Variants in STXBP5 observed in about 807,000 individuals in gnomAD.
STXBP5 encodes syntaxin binding protein 5.
A neutral mutation model predicts 152.4 loss-of-function variants in STXBP5; 50 were observed. The observed-to-expected ratio is 0.33, with a 90% confidence interval of 0.26 to 0.42. The LOEUF (loss-of-function observed/expected upper bound fraction) is 0.42, where lower values mean the gene tolerates loss of function less well. STXBP5 is among the 10% of genes least tolerant of loss of function. The probability of loss-of-function intolerance (pLI) is 1.00; values close to 1 mark genes in which losing one functional copy is unlikely to be tolerated. For missense variants in STXBP5, 1,167 were observed against 1,388.6 expected (o/e 0.84, Z 2.54); for synonymous variants, 492 against 494.7 (o/e 0.99, Z 0.07).
chr6:147,306,436 G>A (rs866312394), intron 9 of STXBP5, among the ~76,000 whole-genome samples: 1 of 152,182 alleles, frequency 6.6e-6, no homozygotes, highest in Middle Eastern at 3.2e-3. Context: ...GAGTTTTGAA[G>A]GAGGAACAGG....
At chr6:147,345,187 G>A (rs1480587344) in intron 21 of STXBP5, among the ~76,000 whole-genome samples, 5 of 151,888 alleles carry the variant, frequency 3.3e-5, no homozygotes, top group African/African-American at 1.2e-4. Flanking sequence ...GACAGTTTTG[G>A]TTCATTTATT....
chr6:147,292,037 T>C (rs1781300885), intron 9 of STXBP5, among the ~76,000 whole-genome samples: 1 of 152,152 alleles, frequency 6.6e-6, no homozygotes, highest in South Asian at 2.1e-4. Flanking sequence ...CAGCAATCTG[T>C]GTTTTAACTA....
intron 8 of STXBP5, 124 bp downstream of exon 8, chr6:147,278,328 G>A: frequency 5.1e-6 from 5 of 980,074 alleles, no homozygotes; most frequent in South Asian, 2.9e-5. Flanking sequence ...TCTGTTTTTA[G>A]GGAATTAAAA....
intron 26 of STXBP5, among the ~76,000 whole-genome samples, chr6:147,376,939 G>A (rs1304219427): frequency 6.6e-6 from 1 of 151,976 alleles, no homozygotes; most frequent in Non-Finnish European, 1.5e-5. Context: ...TGAATCAGCT[G>A]GTATAACTAT....
chr6:147,245,828 A>G (rs764253260), intron 4 of STXBP5, among the ~76,000 whole-genome samples: 1 of 152,158 alleles, frequency 6.6e-6, no homozygotes, highest in Non-Finnish European at 1.5e-5. Flanking sequence ...AAGCCAAGGA[A>G]TGCAAAGGAT....
At chr6:147,349,815 C>T (rs1000673842) in intron 21 of STXBP5, among the ~76,000 whole-genome samples, 6 of 152,152 alleles carry the variant, frequency 3.9e-5, no homozygotes, top group African/African-American at 1.2e-4. Context: ...CCACATGTAA[C>T]AGGTTTTTCT....
At chr6:147,368,874 G>A (rs1785415245) in intron 25 of STXBP5, among the ~76,000 whole-genome samples, 2 of 151,020 alleles carry the variant, frequency 1.3e-5, no homozygotes, top group African/African-American at 2.4e-5. Context: ...AAATACTTTG[G>A]GATAAATCTA....
At chr6:147,316,643 G>A (rs544685424) in intron 16 of STXBP5, among the ~76,000 whole-genome samples, 3 of 152,068 alleles carry the variant, frequency 2.0e-5, no homozygotes, top group African/African-American at 4.8e-5. Flanking sequence ...AAACATTCTC[G>A]TAAAGCAGCA....
In STXBP5 at chr6:147,316,416, T is replaced by TA. The variant is rs749804435; in HGVS notation, c.1802+15dup. The TA allele has an allele frequency of 3.3e-6, 5 of 1,498,342 alleles. No homozygotes were observed. Among genetic ancestry groups the TA allele is most frequent in the Admixed American group, 2.5e-5 (1 of 40,384 alleles). 92.8% of individuals were successfully genotyped at this position (1,498,342 alleles called of 1,614,324 possible). ...AATGTACCTTGTTTAAAGTAAGTTA[T>TA]AAAAAACTACAGAGGAGTTTTGGAT... On this transcript the variant is annotated intron_variant, in intron 16 of 27. Coordinates refer to ENST00000321680, the MANE Select transcript of STXBP5 (RefSeq NM_001127715.4).
intron 4 of STXBP5, 50 bp from the exon 5 acceptor site, chr6:147,260,565 A>T: frequency 6.2e-7 from 1 of 1,610,928 alleles, no homozygotes; most frequent in African/African-American, 1.3e-5. Context: ...GCAATTAGTA[A>T]AATTTGCCAT....
intron 4 of STXBP5, among the ~76,000 whole-genome samples, chr6:147,251,775 A>T (rs1197506075): frequency 1.3e-5 from 2 of 151,968 alleles, no homozygotes; most frequent in African/African-American, 4.8e-5. Context: ...TGGATCCCTG[A>T]CCCCCATGTA....
intron 16 of STXBP5, among the ~76,000 whole-genome samples, chr6:147,316,696 A>G (rs1782661635): frequency 6.6e-6 from 1 of 152,116 alleles, no homozygotes; most frequent in Non-Finnish European, 1.5e-5. Flanking sequence ...TAAATCCATC[A>G]GTGTTTTTAG....
intron 4 of STXBP5, among the ~76,000 whole-genome samples, chr6:147,254,714 A>G (rs925375584): frequency 6.6e-6 from 1 of 152,370 alleles, no homozygotes. Flanking sequence ...ACGTATGAAA[A>G]AAAGGTCATC....
intron 26 of STXBP5, among the ~76,000 whole-genome samples, chr6:147,380,230 G>T (rs1385505946): frequency 6.7e-6 from 1 of 148,448 alleles, no homozygotes; most frequent in South Asian, 2.1e-4. Context: ...AAAGAAAAAA[G>T]CTGGAGGGAC....
At chr6:147,314,107 A>G (rs1483824153) in intron 12 of STXBP5, 76 bp downstream of exon 12, 2 of 1,496,024 alleles carry the variant, frequency 1.3e-6, no homozygotes, top group Non-Finnish European at 1.8e-6. Flanking sequence ...AGTATTTGAT[A>G]ACATTATACC....
intron 4 of STXBP5, among the ~76,000 whole-genome samples, chr6:147,259,445 T>TAAAACACTC (rs1349133542): frequency 6.6e-6 from 1 of 152,170 alleles, no homozygotes; most frequent in African/African-American, 2.4e-5. Context: ...CATTATCATA[T>TAAAACACTC]AAAACACTCA....
chr6:147,347,031 G>T (rs1425261639), intron 21 of STXBP5, among the ~76,000 whole-genome samples: 1 of 152,106 alleles, frequency 6.6e-6, no homozygotes, highest in Non-Finnish European at 1.5e-5. Context: ...TGGAATTCTG[G>T]GTTGCTGGCA....
chr6:147,246,495 G>C (rs1208147788), intron 4 of STXBP5, among the ~76,000 whole-genome samples: 1 of 152,038 alleles, frequency 6.6e-6, no homozygotes, highest in Non-Finnish European at 1.5e-5. Context: ...CAGGGGTTAA[G>C]AAAATTTCCC....
chr6:147,338,217 A>G (rs1358867202), intron 19 of STXBP5, among the ~76,000 whole-genome samples: 1 of 152,134 alleles, frequency 6.6e-6, no homozygotes, highest in Non-Finnish European at 1.5e-5. Flanking sequence ...AATGAATCAA[A>G]TGTGGGCCCT....
Sources: gnomAD v4.1 joint callset for allele counts (sites outside exome capture counted in the v4.1 genomes callset) on GRCh38, gnomAD v4.1.1 for gene constraint, MANE v1.5 for transcripts, NCBI Gene and HGNC (gene_info 2026-07-23, HGNC 2026-07-21) for gene names.